PIWIL2: variants seen among roughly 807,000 people sequenced by gnomAD.
PIWIL2 encodes piwi-like protein 2.
Under a neutral mutation model 116.5 loss-of-function variants are expected in PIWIL2, and 81 were observed. The observed-to-expected ratio is 0.70, with a 90% confidence interval of 0.58 to 0.84. PIWIL2 has a LOEUF of 0.84. Ranked by LOEUF, PIWIL2 falls within the 40% of genes least tolerant of loss-of-function variation. PIWIL2 has a pLI of 0.00. For missense variants in PIWIL2, 1,272 were observed against 1,212.3 expected (o/e 1.05, Z -0.73); for synonymous variants, 489 against 429.5 (o/e 1.14, Z -1.71).
At chr8:22,332,055 C>T (rs1458406156) in intron 20 of PIWIL2, among the ~76,000 whole-genome samples, 1 of 152,080 alleles carries the variant, frequency 6.6e-6, no homozygotes, top group East Asian at 1.9e-4. Context: ...AGCCTGTAAT[C>T]GCAGCATTTT....
chr8:22,318,327 T>A (rs1831515610), intron 20 of PIWIL2, 52 bp downstream of exon 20: 1 of 1,056,848 alleles, frequency 9.5e-7, no homozygotes, highest in African/African-American at 1.6e-5. Flanking sequence ...TTTTTTATTT[T>A]TTTTTTTGAG....
chr8:22,299,551 C>T (rs945152306), intron 10 of PIWIL2, among the ~76,000 whole-genome samples: 2 of 152,146 alleles, frequency 1.3e-5, no homozygotes, highest in South Asian at 2.1e-4. Flanking sequence ...CCTTATTCTA[C>T]ACTCAGTATT....
chr8:22,326,848 A>T (rs1484616593), intron 20 of PIWIL2, among the ~76,000 whole-genome samples: 1 of 151,886 alleles, frequency 6.6e-6, no homozygotes, highest in Non-Finnish European at 1.5e-5. Context: ...GTTCTTTTTG[A>T]TATATACCTA....
At chr8:22,306,376 T>C (rs907659261) in intron 13 of PIWIL2, among the ~76,000 whole-genome samples, 3 of 152,240 alleles carry the variant, frequency 2.0e-5, no homozygotes, top group African/African-American at 7.2e-5. Flanking sequence ...ACTGAGTTAT[T>C]GTAACATTTC....
chr8:22,339,378 C>T (rs1204956388), intron 20 of PIWIL2, among the ~76,000 whole-genome samples: 3 of 151,734 alleles, frequency 2.0e-5, no homozygotes, highest in Non-Finnish European at 4.4e-5. Context: ...CGTGGTGGCC[C>T]GCGCCTGTAA....
chr8:22,333,010 A>G (rs1191461335), intron 20 of PIWIL2, among the ~76,000 whole-genome samples: 1 of 152,166 alleles, frequency 6.6e-6, no homozygotes. Flanking sequence ...TTTGAAATTT[A>G]TGACAACAGT....
chr8:22,296,130 A>G (rs992041381), intron 10 of PIWIL2, among the ~76,000 whole-genome samples: 8 of 145,976 alleles, frequency 5.5e-5, no homozygotes, highest in African/African-American at 2.0e-4. Context: ...ATCTCGGCTC[A>G]CTGCAACTTC....
chr8:22,279,718 C>T (rs990509475), intron 2 of PIWIL2, 134 bp downstream of exon 2: 17 of 757,874 alleles, frequency 2.2e-5, no homozygotes, highest in Admixed American at 7.3e-5. Flanking sequence ...TTTGGGAGGC[C>T]GAGGCAGGTG....
chr8:22,297,690 G>A (rs1171567731), intron 10 of PIWIL2, among the ~76,000 whole-genome samples: 1 of 152,084 alleles, frequency 6.6e-6, no homozygotes, highest in Non-Finnish European at 1.5e-5. Context: ...AGGAAAAGTG[G>A]GAATTTATAG....
chr8:22,321,674 T>C (rs77597906), intron 20 of PIWIL2, among the ~76,000 whole-genome samples: 9,291 of 152,214 alleles, frequency 0.061, 356 homozygotes, highest in Admixed American at 0.092. Flanking sequence ...TATGATCATG[T>C]CAGCCCGGTT....
intron 10 of PIWIL2, among the ~76,000 whole-genome samples, chr8:22,300,344 A>T (rs1489489449): frequency 6.6e-6 from 1 of 152,188 alleles, no homozygotes; most frequent in Non-Finnish European, 1.5e-5. Context: ...TATGTTGCAA[A>T]TGTTCATTCC....
intron 20 of PIWIL2, among the ~76,000 whole-genome samples, chr8:22,343,555 A>G (rs1236924389): frequency 9.2e-5 from 14 of 152,318 alleles, no homozygotes; most frequent in African/African-American, 2.6e-4. Flanking sequence ...CTGAGATTGT[A>G]CCACTGCACT....
chr8:22,292,811 A>G (rs756488028), intron 10 of PIWIL2, among the ~76,000 whole-genome samples: 1 of 152,322 alleles, frequency 6.6e-6, no homozygotes, highest in African/African-American at 2.4e-5. Flanking sequence ...TTATCATACT[A>G]AAACTGGCCT....
chr8:22,333,419 C>T (rs1831906803), intron 20 of PIWIL2, among the ~76,000 whole-genome samples: 1 of 152,010 alleles, frequency 6.6e-6, no homozygotes, highest in Admixed American at 6.6e-5. Flanking sequence ...CGAGACCAGC[C>T]TGACCAACAT....
At chr8:22,301,731 T>TC (rs1052546132) in intron 10 of PIWIL2, among the ~76,000 whole-genome samples, 2 of 152,042 alleles carry the variant, frequency 1.3e-5, no homozygotes, top group African/African-American at 4.8e-5. Context: ...TTTCTGTTTT[T>TC]TTTTTTAGGT....
chr8:22,291,531 C>G (rs1334634754), intron 10 of PIWIL2, among the ~76,000 whole-genome samples: 1 of 152,112 alleles, frequency 6.6e-6, no homozygotes, highest in Admixed American at 6.6e-5. Context: ...AGGCCATGTA[C>G]TTGGAAGTAG....
At chr8:22,337,710 A>G (rs1832011865) in intron 20 of PIWIL2, among the ~76,000 whole-genome samples, 1 of 152,076 alleles carries the variant, frequency 6.6e-6, no homozygotes, top group South Asian at 2.1e-4. Context: ...AGCCTGGGCA[A>G]TAAGAGCAAA....
intron 20 of PIWIL2, among the ~76,000 whole-genome samples, chr8:22,349,419 G>GTATGTATGTATATATATATA (rs1213621776): frequency 1.0e-4 from 14 of 134,440 alleles, no homozygotes; most frequent in African/African-American, 3.3e-4. Context: ...ATGTGTGTGT[G>GTATGTATGTATATATATATA]TATATATATA....
chr8:22,351,207 T>A (rs940874809), intron 20 of PIWIL2, among the ~76,000 whole-genome samples: 13 of 151,136 alleles, frequency 8.6e-5, no homozygotes, highest in African/African-American at 2.9e-4. Context: ...TAGTTCCAGC[T>A]ACTTGACAGG....
Sources: allele counts gnomAD v4.1 joint callset (sites outside exome capture counted in the v4.1 genomes callset), GRCh38; gene constraint gnomAD v4.1.1; transcripts MANE v1.5; gene names NCBI Gene and HGNC (gene_info 2026-07-23, HGNC 2026-07-21).